ATP8A2: variants seen among roughly 807,000 people sequenced by gnomAD.
ATP8A2 encodes ATPase phospholipid transporting 8A2, also known as phospholipid-transporting ATPase IB.
ATP8A2 carries 100 observed loss-of-function variants against 165.6 expected under a neutral mutation model. The observed-to-expected ratio is 0.60, with a 90% CI of 0.51 to 0.71. ATP8A2 has a LOEUF of 0.71. Among genes scored for constraint, ATP8A2 ranks in the 30% least tolerant of loss-of-function variants. The pLI, the probability that ATP8A2 is intolerant of heterozygous loss-of-function variation, is 0.00. For missense variants in ATP8A2, 1,227 were observed against 1,479.5 expected, an observed-to-expected ratio of 0.83 and a Z score of 2.80; for synonymous variants, 543 against 548.8, an observed-to-expected ratio of 0.99 and a Z score of 0.15.
chr13:25,720,167 CTTT>C (rs1007404557), intron 25 of ATP8A2, among the ~76,000 whole-genome samples: 8 of 117,274 alleles, frequency 6.8e-5, no homozygotes, highest in Admixed American at 4.4e-4. Context: ...TATACTTTTT[CTTT>C]TTTTTTTTTT....
intron 33 of ATP8A2, among the ~76,000 whole-genome samples, chr13:25,936,464 A>G (rs571242390): frequency 6.6e-6 from 1 of 152,372 alleles, no homozygotes; most frequent in East Asian, 1.9e-4. Context: ...GCGTATCAGG[A>G]CGCAAAACAA....
intron 33 of ATP8A2, among the ~76,000 whole-genome samples, chr13:25,890,145 G>A (rs955070614): frequency 6.6e-5 from 10 of 152,050 alleles, no homozygotes; most frequent in Admixed American, 5.9e-4. Context: ...CTGGGTGACG[G>A]CGCGAGACTC....
chr13:25,385,452 T>A (rs183545685), intron 1 of ATP8A2, among the ~76,000 whole-genome samples: 5,594 of 152,244 alleles, frequency 0.037, 296 homozygotes, highest in East Asian at 0.13. Context: ...TTAAACAAGA[T>A]AACATATATA....
chr13:25,831,133 C>A (rs1382540315), intron 28 of ATP8A2, among the ~76,000 whole-genome samples: 1 of 152,060 alleles, frequency 6.6e-6, no homozygotes, highest in Admixed American at 6.6e-5. Flanking sequence ...GTATTTCTCT[C>A]CTGCTTTTTC....
At chr13:25,927,134 T>TA (rs776509778) in intron 33 of ATP8A2, 1 of 456,706 alleles carries the variant, frequency 2.2e-6, no homozygotes, top group Non-Finnish European at 4.4e-6. Flanking sequence ...TTTGTCCTGA[T>TA]ACGAGCACAC....
At chr13:25,490,971 C>T (rs2036512448) in intron 2 of ATP8A2, among the ~76,000 whole-genome samples, 2 of 151,926 alleles carry the variant, frequency 1.3e-5, no homozygotes, top group South Asian at 4.2e-4. Flanking sequence ...TCTCAAACTC[C>T]TGCCCCTAAG....
intron 33 of ATP8A2, among the ~76,000 whole-genome samples, chr13:25,887,373 T>C (rs755821708): frequency 6.6e-6 from 1 of 152,066 alleles, no homozygotes; most frequent in Non-Finnish European, 1.5e-5. Flanking sequence ...AGTTTTGCTG[T>C]TGTTGCCCAG....
At chr13:25,471,353 G>GTTT (rs1295573875) in intron 2 of ATP8A2, among the ~76,000 whole-genome samples, 2 of 143,812 alleles carry the variant, frequency 1.4e-5, no homozygotes, top group Non-Finnish European at 1.5e-5. Context: ...GGAAGGTAAA[G>GTTT]TTTTTTTTTT....
Position 25,372,668 on chromosome 13 carries a change from G to C in ATP8A2, c.76+380G>C, listed in dbSNP as rs544576066. Among the ~76,000 whole-genome samples the C allele has an allele frequency of 6.6e-6, 1 of 152,328 alleles. No homozygotes were observed. The highest frequency in any genetic ancestry group is 2.1e-4 in the South Asian group (1 of 4,834). ...GCGATGGTGGGCACGGTTTGGCGGC[G>C]CAGAGAAGATGCAGCCTTCCCTGCC... On this transcript the variant is annotated intron_variant, in intron 1 of 36. Transcript: ENST00000381655. This position sits in a 1 kb window ranked among gnomAD's most constrained non-coding sequence, Gnocchi z 4.8.
chr13:25,945,604 G>A (rs1955189916), intron 33 of ATP8A2, among the ~76,000 whole-genome samples: 1 of 152,116 alleles, frequency 6.6e-6, no homozygotes, highest in African/African-American at 2.4e-5. Context: ...TGGTGTGGAG[G>A]GGCAGTGAAA....
At chr13:25,394,459 A>G (rs2033350828) in intron 1 of ATP8A2, among the ~76,000 whole-genome samples, 1 of 152,246 alleles carries the variant, frequency 6.6e-6, no homozygotes, top group Middle Eastern at 3.2e-3. Context: ...TAAAACTCCA[A>G]GTCTAACTAG....
rs141629606 is a variant in ATP8A2, at chr13:25,446,178, C to T, written c.77-22799C>T. The stretch of plus-strand genomic sequence containing the variant: ...ATCAGTCTCTGCTCCCCTGGCTGTC[C>T]GTCCAGGCCTGCCGTCATTGTCTCC... On this transcript the variant is annotated intron_variant, in intron 1 of 36. Transcript: ENST00000381655. Among the ~76,000 whole-genome samples, 676 of 152,194 alleles carry T rather than the reference C, an allele frequency of 4.4e-3. 6 individuals are homozygous for T. The highest frequency in any genetic ancestry group is 0.014 in the African/African-American group (584 of 41,510).
At chr13:25,871,111 T>C in intron 33 of ATP8A2, 2 of 185,048 alleles carry the variant, frequency 1.1e-5, no homozygotes. Flanking sequence ...GATTGAGTGG[T>C]TTTTTTTTTT....
Position 25,748,265 on chromosome 13 carries a change from T to C in ATP8A2, c.2385-20781T>C, listed in dbSNP as rs535816929. Among the ~76,000 whole-genome samples the C allele has an allele frequency of 6.8e-4, 103 of 152,354 alleles. 1 individual carries two copies. Among genetic ancestry groups the C allele is most frequent in the African/African-American group, 2.4e-3 (101 of 41,588 alleles). On this transcript the variant is annotated intron_variant, in intron 25 of 36. Transcript: ENST00000381655. ...ATTTTCCCCCCATGCTGTTTCATGT[T>C]GAAGATATTTCAGCAAATTGGTCAG...
chr13:25,595,619 C>T (rs1264222978), intron 24 of ATP8A2, among the ~76,000 whole-genome samples: 2 of 152,112 alleles, frequency 1.3e-5, no homozygotes. Flanking sequence ...CGATTGGGCC[C>T]CTGGATGACT....
At chr13:25,406,783 A>T (rs1014797185) in intron 1 of ATP8A2, among the ~76,000 whole-genome samples, 3 of 152,226 alleles carry the variant, frequency 2.0e-5, no homozygotes, top group Non-Finnish European at 4.4e-5. Context: ...TACTCTTCCC[A>T]GAAAATATGT....
At position 25,609,128 on chromosome 13, in the gene ATP8A2, G is replaced by C. The variant is rs527493800; in HGVS notation, c.2211+19429G>C. On this transcript the variant is annotated intron_variant, in intron 24 of 36. Transcript: ENST00000381655. Reference sequence around the variant, plus strand: ...CATACAATTTAAAATGTTAATAAAAGAGCAAGAGAAGATCAACAAAACCAA... The same window carrying C: ...CATACAATTTAAAATGTTAATAAAACAGCAAGAGAAGATCAACAAAACCAA... Among the ~76,000 whole-genome samples the C allele has an allele frequency of 6.6e-5, 10 of 151,902 alleles. No individual in the cohort carries two copies. In the South Asian group the frequency reaches 1.5e-3, roughly 22 times the overall value.
rs190243771 is a variant in ATP8A2, at chr13:25,576,539, C to T, written c.1713-530C>T. ...AGTGAGGATGGGCCATGAGGAAAGA[C>T]GTGTGAGGAAGTGTAGATGCTGCGG... is the stretch of plus-strand genomic sequence containing the variant. On this transcript the variant is annotated intron_variant, in intron 19 of 36. Coordinates refer to ENST00000381655, the MANE Select transcript of ATP8A2 (RefSeq NM_016529.6). Among the ~76,000 whole-genome samples the T allele has an allele frequency of 1.2e-4, 19 of 152,008 alleles. 1 individual carries two copies. Among genetic ancestry groups the T allele is most frequent in the Admixed American group, 8.5e-4 (13 of 15,280 alleles).
chr13:25,977,489 G>A (rs1956079641), intron 35 of ATP8A2, among the ~76,000 whole-genome samples: 1 of 152,140 alleles, frequency 6.6e-6, no homozygotes, highest in South Asian at 2.1e-4. Context: ...TTGCATCCTG[G>A]GCACAGGAAG....
Sources: allele counts gnomAD v4.1 joint callset (sites outside exome capture counted in the v4.1 genomes callset), GRCh38; gene constraint gnomAD v4.1.1; non-coding constraint Gnocchi (gnomAD v3.1); transcripts MANE v1.5; gene names NCBI Gene and HGNC (gene_info 2026-07-23, HGNC 2026-07-21).